The following NLK variants were observed in gnomAD, a reference collection of about 807,000 sequenced individuals.
NLK encodes the protein serine/threonine-protein kinase NLK.
NLK carries 11 observed loss-of-function variants against 59.0 expected under a neutral mutation model. The observed-to-expected ratio is 0.19, with a 90% CI of 0.12 to 0.31. The LOEUF is 0.31. Ranked by LOEUF, NLK falls within the 10% of genes least tolerant of loss-of-function variation. The pLI is 1.00. For missense variants in NLK, 410 were observed against 661.1 expected, an observed-to-expected ratio of 0.62 and a Z score of 4.16; for synonymous variants, 235 against 235.9, an observed-to-expected ratio of 1.00 and a Z score of 0.03.
At chr17:28,059,118 C>A (rs541425859) in intron 1 of NLK, among the ~76,000 whole-genome samples, 1 of 151,300 alleles carries the variant, frequency 6.6e-6, no homozygotes, top group South Asian at 2.1e-4. Context: ...AGAGCCAGAT[C>A]CTGTCTCAAA....
chr17:28,205,125 G>A, the NLK span, among the ~76,000 whole-genome samples: 1 of 152,210 alleles, frequency 6.6e-6, no homozygotes, highest in Non-Finnish European at 1.5e-5. Context: ...TAAGATAAGG[G>A]TGAGCTACTA....
Position 28,194,704 on chromosome 17 carries a change from T to C in NLK, c.*68T>C. On this transcript the variant is annotated 3_prime_UTR_variant, in exon 11 of 11. Coordinates refer to ENST00000407008, the MANE Select transcript of NLK (RefSeq NM_016231.5). ...CACTGGAGTCTGGGATTTGCAATTC[T>C]GGAGGTTAATCATGCTTGTACTGTA... 1 of 1,136,248 alleles carries C rather than the reference T, an allele frequency of 8.8e-7. No individual in the cohort carries two copies. Among genetic ancestry groups the C allele is most frequent in the East Asian group, 2.4e-5 (1 of 41,384 alleles). The allele number at this position is 1,136,248 out of a possible 1,614,324, so 70.4% of individuals were successfully genotyped here.
rs574852922 is a variant in NLK at position 28,135,034 on chromosome 17, C to G, written c.644+2359C>G. 4.7e-4 allele frequency among the ~76,000 whole-genome samples: 71 copies of G among 152,262 alleles called. 1 individual carries two copies. Among genetic ancestry groups the G allele is most frequent in the African/African-American group, 1.6e-3 (68 of 41,528 alleles). ...CCACTTGTTTCATTCAGCAGAAGTA[C>G]CTTCTTATACCTGGCCAGGAGCTAC... On this transcript the variant is annotated intron_variant, in intron 3 of 10. Transcript: ENST00000407008.
At chr17:28,182,794 A>AAGC (rs1478582076) in intron 7 of NLK, among the ~76,000 whole-genome samples, 1 of 151,982 alleles carries the variant, frequency 6.6e-6, no homozygotes, top group African/African-American at 2.4e-5. Context: ...TGGTATGATG[A>AAGC]AGCAGTGTCT....
chr17:28,082,669 A>T (rs776879587), intron 1 of NLK, among the ~76,000 whole-genome samples: 1 of 152,214 alleles, frequency 6.6e-6, no homozygotes, highest in Non-Finnish European at 1.5e-5. Flanking sequence ...GCAGAATTTA[A>T]TGTTGACCTC....
intron 1 of NLK, among the ~76,000 whole-genome samples, chr17:28,094,704 T>C (rs760404435): frequency 7.9e-5 from 12 of 152,068 alleles, no homozygotes; most frequent in African/African-American, 1.2e-4. Context: ...CAGGTGAAAA[T>C]AAGCATCTGG....
chr17:28,052,645 AAAAG>A (rs1275565818), intron 1 of NLK, among the ~76,000 whole-genome samples: 4 of 152,220 alleles, frequency 2.6e-5, no homozygotes, highest in Non-Finnish European at 4.4e-5. Context: ...TAAAAAACTG[AAAAG>A]AAACAGGTGA....
intron 1 of NLK, among the ~76,000 whole-genome samples, chr17:28,076,059 G>A (rs1394378740): frequency 7.2e-5 from 11 of 152,144 alleles, no homozygotes; most frequent in African/African-American, 7.2e-5. Context: ...GAGGAAAGGC[G>A]AATTTTGCTT....
At chr17:28,205,740 A>T in the NLK span, among the ~76,000 whole-genome samples, 6 of 151,526 alleles carry the variant, frequency 4.0e-5, no homozygotes, top group Admixed American at 2.0e-4. Flanking sequence ...TATTTAGCTT[A>T]AAAAAAAATC....
At chr17:28,187,040 T>TA (rs899488834) in intron 8 of NLK, among the ~76,000 whole-genome samples, 6 of 152,360 alleles carry the variant, frequency 3.9e-5, no homozygotes, top group East Asian at 1.9e-4. Flanking sequence ...ATCAATATGT[T>TA]AAAAAACAAA....
chr17:28,161,434 C>G (rs188837370), intron 4 of NLK, among the ~76,000 whole-genome samples, 168 bp downstream of exon 4: 3 of 152,248 alleles, frequency 2.0e-5, no homozygotes, highest in Admixed American at 2.0e-4. Context: ...AAAGAGGAAG[C>G]TTTTTAGGGT....
At chr17:28,045,250 G>T (rs925152455) in intron 1 of NLK, among the ~76,000 whole-genome samples, 1 of 152,168 alleles carries the variant, frequency 6.6e-6, no homozygotes, top group Non-Finnish European at 1.5e-5. Context: ...GACTACATTC[G>T]TAAGCCCCTT....
At chr17:28,057,562 T>G (rs1176067561) in intron 1 of NLK, among the ~76,000 whole-genome samples, 23 of 152,222 alleles carry the variant, frequency 1.5e-4, no homozygotes, top group African/African-American at 4.8e-5. Context: ...CAAACTTTTT[T>G]TTGTTGTTGT....
intron 3 of NLK, among the ~76,000 whole-genome samples, chr17:28,146,814 A>G (rs759426632): frequency 4.6e-5 from 7 of 152,162 alleles, no homozygotes; most frequent in Admixed American, 6.6e-5. Context: ...GCTGTGATCT[A>G]GTGCCACGTC....
At chr17:28,153,131 A>G (rs1907554496) in intron 3 of NLK, among the ~76,000 whole-genome samples, 1 of 151,924 alleles carries the variant, frequency 6.6e-6, no homozygotes, top group South Asian at 2.1e-4. Context: ...AAGATTAGCC[A>G]GGCGTGGTAG....
chr17:28,059,912 T>G (rs1909571169), intron 1 of NLK, among the ~76,000 whole-genome samples: 1 of 152,180 alleles, frequency 6.6e-6, no homozygotes, highest in Non-Finnish European at 1.5e-5. Context: ...TAGATAACCT[T>G]AAGAGCATAA....
intron 1 of NLK, among the ~76,000 whole-genome samples, chr17:28,061,648 G>A (rs963447537): frequency 2.6e-5 from 4 of 151,230 alleles, no homozygotes; most frequent in African/African-American, 7.3e-5. Context: ...GACACAAAGA[G>A]GTCATTTTGT....
At chr17:28,057,943 A>T (rs1271375689) in intron 1 of NLK, among the ~76,000 whole-genome samples, 1 of 152,224 alleles carries the variant, frequency 6.6e-6, no homozygotes, top group Non-Finnish European at 1.5e-5. Context: ...TGTCAACTGT[A>T]TGTGTGAAAA....
chr17:28,064,154 G>A (rs1173923297), intron 1 of NLK, among the ~76,000 whole-genome samples: 1 of 139,938 alleles, frequency 7.1e-6, no homozygotes, highest in African/African-American at 2.6e-5. Flanking sequence ...TGAATTTAGA[G>A]TCATCTTTAA....
Sources: gnomAD v4.1 joint callset for allele counts (sites outside exome capture counted in the v4.1 genomes callset) on GRCh38, gnomAD v4.1.1 for gene constraint, MANE v1.5 for transcripts, NCBI Gene and HGNC (gene_info 2026-07-23, HGNC 2026-07-21) for gene names.